ITPK1: variants seen among roughly 807,000 people sequenced by gnomAD.
ITPK1 encodes the protein inositol-tetrakisphosphate 1-kinase, also known as inositol 1,3,4-trisphosphate 5/6-kinase.
ITPK1 carries 21 observed loss-of-function variants against 45.3 expected under a neutral mutation model. That is an observed-to-expected ratio of 0.46 (90% CI 0.33 to 0.67). The LOEUF (loss-of-function observed/expected upper bound fraction) is 0.67, where lower values mean the gene tolerates loss of function less well. Ranked by LOEUF, ITPK1 falls within the 30% of genes least tolerant of loss-of-function variation. ITPK1 has a pLI of 0.02. For synonymous variants in ITPK1, 258 were observed against 253.6 expected (o/e 1.02, Z -0.16); for missense variants, 474 against 573.5 (o/e 0.83, Z 1.77).
At chr14:92,977,599 C>T (rs117940899) in intron 5 of ITPK1, among the ~76,000 whole-genome samples, 2 of 149,624 alleles carry the variant, frequency 1.3e-5, no homozygotes, top group South Asian at 2.1e-4. Context: ...ATTTCCCCCT[C>T]GCTGTTCTCA....
chr14:92,962,747 G>A lies in ITPK1; in HGVS notation c.463+4C>T, dbSNP rs760371617. On this transcript the variant is annotated splice_donor_region_variant and intron_variant, in intron 6 of 10. Coordinates refer to ENST00000267615, the MANE Select transcript of ITPK1 (RefSeq NM_014216.6). ...CCCTCAGGTGGAGCTGGGATGGTACGCACTGAATGGGAAAGTCAAGCCGTT... is the reference window on the plus strand; with the variant it reads ...CCCTCAGGTGGAGCTGGGATGGTACACACTGAATGGGAAAGTCAAGCCGTT... 7.5e-6 allele frequency: 12 copies of A among 1,605,716 alleles called. No homozygotes were observed. The East Asian group carries it at 1.1e-4, about 15-fold the overall frequency.
intron 3 of ITPK1, among the ~76,000 whole-genome samples, chr14:93,020,820 GC>G (rs1402907772): frequency 1.3e-5 from 2 of 152,176 alleles, no homozygotes; most frequent in African/African-American, 4.8e-5. Flanking sequence ...AAAGCAAGAA[GC>G]CTCGCGATCC....
chr14:92,962,693 C>T (rs975842818), intron 6 of ITPK1, 58 bp downstream of exon 6: 12 of 1,306,592 alleles, frequency 9.2e-6, no homozygotes, highest in Non-Finnish European at 1.1e-6. Flanking sequence ...AGCCCCTCCC[C>T]TATGCTGGCC....
chr14:93,041,197 AG>A (rs1423557216), intron 3 of ITPK1, among the ~76,000 whole-genome samples: 2 of 152,202 alleles, frequency 1.3e-5, no homozygotes, highest in African/African-American at 2.4e-5. Context: ...CATTTCAAAG[AG>A]GCTATAAGGC....
chr14:92,978,274 G>C (rs1886047981), intron 5 of ITPK1, among the ~76,000 whole-genome samples: 1 of 151,934 alleles, frequency 6.6e-6, no homozygotes, highest in African/African-American at 2.4e-5. Context: ...TGGACTGGCT[G>C]CTTCTAAAAG....
At chr14:93,106,211 C>T (rs1295616320) in intron 2 of ITPK1, among the ~76,000 whole-genome samples, 1 of 147,002 alleles carries the variant, frequency 6.8e-6, no homozygotes, top group Non-Finnish European at 1.5e-5. Flanking sequence ...GGCTCATTTC[C>T]AGAACACAAA....
chr14:92,962,953 G>A (rs1947509174), intron 5 of ITPK1, 104 bp from the exon 6 acceptor site: 2 of 690,280 alleles, frequency 2.9e-6, no homozygotes, highest in South Asian at 3.5e-5. Flanking sequence ...GTGCCCCCAC[G>A]CTCCTGGATC....
At chr14:93,069,075 A>G (rs1280883418) in intron 3 of ITPK1, 1 of 152,592 alleles carries the variant, frequency 6.6e-6, no homozygotes, top group Non-Finnish European at 1.5e-5. Flanking sequence ...CAGGTACCAC[A>G]CCCTGCCATC....
At chr14:93,025,305 C>T (rs1305875483) in intron 3 of ITPK1, among the ~76,000 whole-genome samples, 2 of 152,228 alleles carry the variant, frequency 1.3e-5, no homozygotes, top group Non-Finnish European at 2.9e-5. Flanking sequence ...GCCTGCCTAG[C>T]GCCGCCCACG....
intron 3 of ITPK1, among the ~76,000 whole-genome samples, chr14:93,044,822 G>A (rs207475150): frequency 9.2e-5 from 14 of 152,186 alleles, no homozygotes; most frequent in Non-Finnish European, 1.6e-4. Context: ...AGAAAAACCC[G>A]ACACCGTGAC....
intron 5 of ITPK1, among the ~76,000 whole-genome samples, chr14:92,964,576 A>G (rs1393554389): frequency 6.6e-6 from 1 of 152,206 alleles, no homozygotes; most frequent in African/African-American, 2.4e-5. Context: ...CCCAGTCCCA[A>G]AGGATATGGT....
rs1197158702 is a variant in ITPK1 at position 92,940,675 on chromosome 14, C to G, written c.*886G>C. On this transcript the variant is annotated 3_prime_UTR_variant, in exon 11 of 11. Coordinates refer to ENST00000267615, the MANE Select transcript of ITPK1 (RefSeq NM_014216.6). The stretch of plus-strand genomic sequence containing the variant: ...CATCCCAGGGGTTAGGGCACAAAGC[C>G]AGCCCTGTGGTGCTCTCTGATCTCA... 1.6e-6 allele frequency: 2 copies of G among 1,274,398 alleles called. No homozygotes were observed. The allele number at this position is 1,274,398 out of a possible 1,614,324, so 78.9% of individuals were successfully genotyped here. A position where few individuals can be genotyped will look rare whatever the true frequency, so the allele number is the denominator to read the frequency against.
chr14:93,053,884 G>A (rs1890120179), intron 3 of ITPK1, among the ~76,000 whole-genome samples: 1 of 152,210 alleles, frequency 6.6e-6, no homozygotes, highest in Non-Finnish European at 1.5e-5. Context: ...TGTTTGGGAG[G>A]TAGACGGGAC....
intron 4 of ITPK1, among the ~76,000 whole-genome samples, chr14:93,001,007 C>T (rs1471165655): frequency 6.8e-6 from 1 of 148,108 alleles, no homozygotes; most frequent in African/African-American, 2.5e-5. Flanking sequence ...AGGCTGGGCA[C>T]GGTGGCTCAC....
At chr14:93,090,763 G>A (rs1891835957) in intron 2 of ITPK1, among the ~76,000 whole-genome samples, 2 of 152,094 alleles carry the variant, frequency 1.3e-5, no homozygotes, top group African/African-American at 2.4e-5. Flanking sequence ...GCCAAGAAAT[G>A]TATTTTTTTT....
intron 4 of ITPK1, among the ~76,000 whole-genome samples, chr14:92,994,839 G>A (rs183933413): frequency 1.0e-3 from 152 of 152,314 alleles, no homozygotes; most frequent in African/African-American, 3.6e-3. Context: ...TAACCCTTCA[G>A]CATTTGTGAA....
chr14:92,987,706 C>T (rs986078695), intron 5 of ITPK1, among the ~76,000 whole-genome samples: 11 of 152,178 alleles, frequency 7.2e-5, no homozygotes, highest in African/African-American at 2.7e-4. Context: ...TTCCACACCC[C>T]CCATCTGTAA....
intron 5 of ITPK1, among the ~76,000 whole-genome samples, chr14:92,978,979 G>T (rs1886086081): frequency 6.6e-6 from 1 of 152,088 alleles, no homozygotes. Flanking sequence ...CCCTGGAAAA[G>T]CTGTAGGTAC....
chr14:92,959,576 G>A (rs1884942468), intron 7 of ITPK1, among the ~76,000 whole-genome samples: 1 of 152,182 alleles, frequency 6.6e-6, no homozygotes, highest in Non-Finnish European at 1.5e-5. Flanking sequence ...GTCAGGCAGG[G>A]GCTGGAATGC....
Sources: allele counts gnomAD v4.1 joint callset (sites outside exome capture counted in the v4.1 genomes callset), GRCh38; gene constraint gnomAD v4.1.1; transcripts MANE v1.5; gene names NCBI Gene and HGNC (gene_info 2026-07-23, HGNC 2026-07-21).